Variants in SORL1 observed in about 807,000 individuals in gnomAD.
SORL1 encodes the protein sortilin related receptor 1.
A neutral mutation model predicts 273.7 loss-of-function variants in SORL1; 127 were observed. That is an observed-to-expected ratio of 0.46 (90% CI 0.40 to 0.54). The LOEUF is 0.54. Ranked by LOEUF, SORL1 falls within the 20% of genes least tolerant of loss-of-function variation. SORL1 has a pLI of 0.00. For missense variants in SORL1, 2,494 were observed against 2,846.1 expected, an observed-to-expected ratio of 0.88 and a Z score of 2.81; for synonymous variants, 1,031 against 1,067.4, an observed-to-expected ratio of 0.97 and a Z score of 0.66.
intron 11 of SORL1, among the ~76,000 whole-genome samples, chr11:121,524,712 C>T (rs1467814992): frequency 6.6e-6 from 1 of 151,594 alleles, no homozygotes; most frequent in African/African-American, 2.4e-5. Flanking sequence ...TTTTTTTGTG[C>T]TTTTTTCTCT....
At chr11:121,506,011 T>C (rs1190625336) in intron 6 of SORL1, among the ~76,000 whole-genome samples, 4 of 152,232 alleles carry the variant, frequency 2.6e-5, no homozygotes, top group Non-Finnish European at 5.9e-5. Flanking sequence ...TTTTCTGCCT[T>C]GTTCTATATT....
At chr11:121,497,880 G>C (rs1420811002) in intron 6 of SORL1, among the ~76,000 whole-genome samples, 1 of 152,162 alleles carries the variant, frequency 6.6e-6, no homozygotes, top group East Asian at 1.9e-4. Context: ...GTTAACCTTA[G>C]AGACTGAAAT....
intron 28 of SORL1, among the ~76,000 whole-genome samples, chr11:121,588,868 T>C (rs1863163240): frequency 6.6e-6 from 1 of 152,190 alleles, no homozygotes; most frequent in African/African-American, 2.4e-5. Flanking sequence ...TCTGTACACA[T>C]CTGTGTCTAA....
rs943722164 is a variant in SORL1 at position 121,576,831 on chromosome 11, T to C, written c.3461-450T>C. On this transcript the variant is annotated intron_variant, in intron 24 of 47. Coordinates refer to ENST00000260197, the MANE Select transcript of SORL1 (RefSeq NM_003105.6). ...TGATTTTACTCTCTCTGACTGAGCATCTCACGGTGATCAGCTCATGCAGAC... is the reference window on the plus strand; with the variant it reads ...TGATTTTACTCTCTCTGACTGAGCACCTCACGGTGATCAGCTCATGCAGAC... 12 of 1,533,702 alleles carry C rather than the reference T, an allele frequency of 7.8e-6. No homozygotes were observed. The Admixed American group carries it at 1.2e-4, about 15-fold the overall frequency.
intron 12 of SORL1, among the ~76,000 whole-genome samples, chr11:121,540,970 A>C (rs1314412883): frequency 6.6e-6 from 1 of 152,240 alleles, no homozygotes; most frequent in Non-Finnish European, 1.5e-5. Context: ...GTTTGCTTTA[A>C]AAGTAATATA....
At chr11:121,555,947 T>C (rs1189685071) in intron 18 of SORL1, among the ~76,000 whole-genome samples, 1 of 152,056 alleles carries the variant, frequency 6.6e-6, no homozygotes, top group African/African-American at 2.4e-5. Context: ...AGAGACGGCA[T>C]GTGGGTGAAG....
chr11:121,608,528 AC>A (rs1296708009), intron 38 of SORL1: 1 of 244,658 alleles, frequency 4.1e-6, no homozygotes, highest in African/African-American at 2.3e-5. Context: ...ATGTTCACTT[AC>A]GGGGTTTTAA....
At chr11:121,575,948 G>A (rs1028079178) in intron 24 of SORL1, among the ~76,000 whole-genome samples, 10 of 152,222 alleles carry the variant, frequency 6.6e-5, no homozygotes, top group Middle Eastern at 3.4e-3. Flanking sequence ...CCAGGGTCCC[G>A]GTTAGCCCCT....
intron 3 of SORL1, among the ~76,000 whole-genome samples, chr11:121,479,702 AG>A (rs1861342431): frequency 6.6e-6 from 1 of 152,160 alleles, no homozygotes; most frequent in Admixed American, 6.5e-5. Context: ...GGGCCACTTA[AG>A]GGTTTCAGGG....
chr11:121,607,892 G>A (rs766606762), intron 37 of SORL1, among the ~76,000 whole-genome samples: 1 of 152,112 alleles, frequency 6.6e-6, no homozygotes, highest in Non-Finnish European at 1.5e-5. Flanking sequence ...TCTCAGGACT[G>A]TCATAATGCC....
At chr11:121,614,739 A>G (rs1863614660) in intron 40 of SORL1, 132 bp from the exon 41 acceptor site, 1 of 693,294 alleles carries the variant, frequency 1.4e-6, no homozygotes. Context: ...ATCTAATGAC[A>G]GTCCTACAGC....
chr11:121,625,661 A>G (rs1345007298), intron 46 of SORL1, among the ~76,000 whole-genome samples: 1 of 152,202 alleles, frequency 6.6e-6, no homozygotes, highest in South Asian at 2.1e-4. Context: ...TGGATTTTAC[A>G]TGTAAAATCA....
At chr11:121,564,059 A>T (rs1436849146) in intron 21 of SORL1, among the ~76,000 whole-genome samples, 1 of 152,172 alleles carries the variant, frequency 6.6e-6, no homozygotes, top group Admixed American at 6.5e-5. Context: ...TCACGGGGCT[A>T]TGTGTTTGAT....
chr11:121,530,661 CTATATTTATAT>C (rs1862190244), intron 11 of SORL1, among the ~76,000 whole-genome samples: 2 of 151,914 alleles, frequency 1.3e-5, no homozygotes, highest in African/African-American at 4.8e-5. Context: ...GATTTTGAAT[CTATATTTATAT>C]CTTTCAACAA....
intron 31 of SORL1, among the ~76,000 whole-genome samples, chr11:121,592,343 G>A (rs941063121): frequency 2.0e-5 from 3 of 152,152 alleles, no homozygotes; most frequent in Admixed American, 6.5e-5. Context: ...TAATGGAATC[G>A]CCTGGGGTGT....
rs754566858 is a variant in SORL1 at position 121,567,053 on chromosome 11, G to A, written c.3163G>A (p.Asp1055Asn). 3 of 1,613,654 alleles carry A rather than the reference G, an allele frequency of 1.9e-6. No homozygotes were observed. Among genetic ancestry groups the A allele is most frequent in the Admixed American group, 3.3e-5 (2 of 60,016 alleles). ...GTCCAGCAGTGTGCTTCCATCAGGG[G>A]ACCTGATGTGTGACTGCCCTCAGGG... is the stretch of plus-strand genomic sequence containing the variant. ...DVSSSVLPSG[D>N]LMCDCPQGYQ... is the part of the protein sequence containing the mutation. The change falls in exon 22 of 48, where the codon GAC becomes AAC. Residue 1055 changes from aspartate to asparagine, a missense_variant. Physicochemically the swap from Asp to Asn is conservative, Grantham distance 23. Coordinates refer to ENST00000260197, the MANE Select transcript of SORL1 (RefSeq NM_003105.6).
chr11:121,582,483 C>T (rs1362081789), intron 25 of SORL1, among the ~76,000 whole-genome samples: 3 of 152,230 alleles, frequency 2.0e-5, no homozygotes, highest in Admixed American at 6.5e-5. Flanking sequence ...CAGACACAAA[C>T]AGCTTTCTGT....
intron 6 of SORL1, among the ~76,000 whole-genome samples, chr11:121,508,278 G>A (rs975078977): frequency 1.3e-5 from 2 of 152,044 alleles, no homozygotes; most frequent in Non-Finnish European, 2.9e-5. Context: ...GCATACTCAC[G>A]GCTCTTATGT....
chr11:121,592,929 C>T (rs1017115842), intron 31 of SORL1, among the ~76,000 whole-genome samples: 4 of 152,196 alleles, frequency 2.6e-5, no homozygotes, highest in Admixed American at 2.0e-4. Context: ...TTTATATATC[C>T]TGTTCAGCTT....
Sources: gnomAD v4.1 joint callset for allele counts (sites outside exome capture counted in the v4.1 genomes callset) on GRCh38, gnomAD v4.1.1 for gene constraint, MANE v1.5 for transcripts, NCBI Gene and HGNC (gene_info 2026-07-23, HGNC 2026-07-21) for gene names.